POT1: variants seen among roughly 807,000 people sequenced by gnomAD.
The protein encoded by POT1 is protection of telomeres 1.
POT1 carries 47 observed loss-of-function variants against 78.5 expected under a neutral mutation model. The ratio of observed to expected loss-of-function variants is 0.60; its 90% CI spans 0.47 to 0.76. POT1 has a LOEUF of 0.76. Among genes scored for constraint, POT1 ranks in the 30% least tolerant of loss-of-function variants. The pLI is 0.00. For synonymous variants in POT1, 259 were observed against 260.7 expected (o/e 0.99, Z 0.06); for missense variants, 646 against 749.9 (o/e 0.86, Z 1.62).
chr7:124,841,766 T>C (rs917363968), intron 13 of POT1, among the ~76,000 whole-genome samples: 7 of 152,016 alleles, frequency 4.6e-5, no homozygotes, highest in African/African-American at 1.4e-4. Flanking sequence ...ATTTCTGAGA[T>C]AATATCCTTA....
In POT1 at chr7:124,826,168, G is replaced by T. The variant is rs138623206; in HGVS notation, c.1687-811C>A. Reference sequence around the variant, plus strand: ...GGCAGTCAACCATACCTACGTGATAGAGTCCCACTAAAATCTTTTAGCAGA... The same window carrying T: ...GGCAGTCAACCATACCTACGTGATATAGTCCCACTAAAATCTTTTAGCAGA... On this transcript the variant is annotated intron_variant, in intron 17 of 18. Transcript: ENST00000357628. 6.4e-3 allele frequency among the ~76,000 whole-genome samples: 971 copies of T among 152,240 alleles called. 13 individuals are homozygous for T. Among genetic ancestry groups the T allele is most frequent in the African/African-American group, 0.022 (901 of 41,534 alleles).
At chr7:124,912,202 A>G (rs948041905) in intron 3 of POT1, among the ~76,000 whole-genome samples, 1 of 151,992 alleles carries the variant, frequency 6.6e-6, no homozygotes, top group Non-Finnish European at 1.5e-5. Context: ...AGTTCTTTCA[A>G]CAATCCAGAA....
At chr7:124,860,989 C>CT (rs142483341) in intron 8 of POT1, among the ~76,000 whole-genome samples, 30,583 of 152,122 alleles carry the variant, frequency 0.2, 3,814 homozygotes, top group East Asian at 0.3. Flanking sequence ...GCCACATTTT[C>CT]TTAATCCAGT....
intron 3 of POT1, among the ~76,000 whole-genome samples, chr7:124,907,721 C>T (rs1019011397): frequency 5.3e-5 from 8 of 152,024 alleles, no homozygotes; most frequent in African/African-American, 1.9e-4. Flanking sequence ...GGTGAGGGAA[C>T]ACTGATAGCA....
In POT1 at chr7:124,846,976, G is replaced by T; in HGVS notation, c.972C>A (p.Tyr324Ter). 1.9e-6 allele frequency: 3 copies of T among 1,605,192 alleles called. No homozygotes were observed. Among genetic ancestry groups the T allele is most frequent in the Non-Finnish European group, 1.7e-6 (2 of 1,172,378 alleles). ...SFPSSGSVSL[Y>*]EVERCQQLSA... is the part of the protein sequence containing the mutation. ...ATAGCTGTTGACATCTTTCTACCTC[G>T]TATAATGATACTGATCCAGAGCCTA... The change falls in exon 12 of 19, where the codon TAC (tyrosine) becomes TAA (stop). Residue 324 changes from tyrosine to a stop codon, truncating the protein, a stop_gained. Transcript: ENST00000357628. LOFTEE classifies it high-confidence loss of function.
intron 6 of POT1, among the ~76,000 whole-genome samples, chr7:124,879,164 G>T (rs879929840): frequency 6.6e-6 from 1 of 152,030 alleles, no homozygotes; most frequent in Non-Finnish European, 1.5e-5. Context: ...TTAATCCCAG[G>T]ATAAAAACAA....
intron 6 of POT1, among the ~76,000 whole-genome samples, chr7:124,890,346 G>C (rs1796340644): frequency 6.6e-6 from 1 of 151,892 alleles, no homozygotes; most frequent in Non-Finnish European, 1.5e-5. Context: ...AGTTTCTTAA[G>C]AAGTAATCTA....
At chr7:124,873,927 GTGAAGA>G (rs1795929407) in intron 6 of POT1, among the ~76,000 whole-genome samples, 1 of 152,194 alleles carries the variant, frequency 6.6e-6, no homozygotes, top group African/African-American at 2.4e-5. Context: ...GGTGGCTACA[GTGAAGA>G]TGGGAGCCAC....
intron 6 of POT1, among the ~76,000 whole-genome samples, chr7:124,891,973 TTG>T (rs1453446902): frequency 2.6e-5 from 4 of 151,694 alleles, no homozygotes; most frequent in African/African-American, 9.7e-5. Context: ...TATTCTGCAT[TTG>T]TTTATATATT....
At chr7:124,904,818 T>C (rs562515236) in intron 3 of POT1, among the ~76,000 whole-genome samples, 3 of 152,208 alleles carry the variant, frequency 2.0e-5, no homozygotes, top group African/African-American at 4.8e-5. Flanking sequence ...ACAAAATCAA[T>C]GTGCAAAAAT....
intron 6 of POT1, among the ~76,000 whole-genome samples, chr7:124,874,833 G>C (rs1461873152): frequency 6.6e-6 from 1 of 151,210 alleles, no homozygotes; most frequent in Non-Finnish European, 1.5e-5. Context: ...GTAAAGGGGA[G>C]AAAGAAGGGA....
At chr7:124,922,569 G>A (rs1323942116) in intron 2 of POT1, among the ~76,000 whole-genome samples, 1 of 151,846 alleles carries the variant, frequency 6.6e-6, no homozygotes, top group Non-Finnish European at 1.5e-5. Context: ...ATGGGGAGTG[G>A]TACAATAGTA....
intron 3 of POT1, among the ~76,000 whole-genome samples, chr7:124,905,418 G>T (rs531107282): frequency 4.9e-4 from 74 of 152,236 alleles, no homozygotes; most frequent in Middle Eastern, 3.4e-3. Context: ...TGGGAAAACT[G>T]GCTAGCCATG....
chr7:124,929,802 T>C lies in POT1; in HGVS notation c.-420A>G, dbSNP rs1377580325. 1.3e-5 allele frequency: 2 copies of C among 152,216 alleles called. No homozygotes were observed. The highest frequency in any genetic ancestry group is 2.9e-5 in the Non-Finnish European group (2 of 68,092). 9.4% of individuals were successfully genotyped at this position (152,216 alleles called of 1,614,324 possible). A position where few individuals can be genotyped will look rare whatever the true frequency, so the allele number is the denominator to read the frequency against. On this transcript the variant is annotated 5_prime_UTR_variant, in exon 1 of 19. Transcript: ENST00000357628. ...TTACAAATTTCACTCACCCGTACTC[T>C]AGAAAGAACCCTAGGAAGAGTTTAG... is the stretch of plus-strand genomic sequence containing the variant.
At chr7:124,868,410 G>A (rs1795783284) in intron 7 of POT1, among the ~76,000 whole-genome samples, 1 of 152,024 alleles carries the variant, frequency 6.6e-6, no homozygotes. Flanking sequence ...CATTAACATT[G>A]CCTTAAATTA....
chr7:124,879,775 T>A (rs1040390154), intron 6 of POT1, among the ~76,000 whole-genome samples: 3 of 152,042 alleles, frequency 2.0e-5, no homozygotes, highest in African/African-American at 7.2e-5. Flanking sequence ...GAGAAAAAAA[T>A]CACTATCACT....
At chr7:124,905,156 A>G (rs1026117166) in intron 3 of POT1, among the ~76,000 whole-genome samples, 3 of 152,200 alleles carry the variant, frequency 2.0e-5, no homozygotes, top group Non-Finnish European at 2.9e-5. Flanking sequence ...GAACCAAAAA[A>G]GAGCCCTCAT....
At chr7:124,861,494 A>T (rs1795596261) in intron 8 of POT1, among the ~76,000 whole-genome samples, 1 of 152,004 alleles carries the variant, frequency 6.6e-6, no homozygotes, top group African/African-American at 2.4e-5. Flanking sequence ...TAGATTCTGG[A>T]TATTAGCCCT....
rs368683991 is a variant in POT1 at position 124,922,224 on chromosome 7, C to T, written c.-226-6578G>A. On this transcript the variant is annotated intron_variant, in intron 2 of 18. Coordinates refer to ENST00000357628, the MANE Select transcript of POT1 (RefSeq NM_015450.3). ...GAAAGCTAAGAGAAGTTATCCCCAG[C>T]TGAAATATATGAAATGGTAGATATT... Among the ~76,000 whole-genome samples, 41 of 152,048 alleles carry T rather than the reference C, an allele frequency of 2.7e-4. 1 individual carries two copies. The highest frequency in any genetic ancestry group is 9.2e-4 in the African/African-American group (38 of 41,514).
Sources: gnomAD v4.1 joint callset for allele counts (sites outside exome capture counted in the v4.1 genomes callset) on GRCh38, gnomAD v4.1.1 for gene constraint, MANE v1.5 for transcripts, NCBI Gene and HGNC (gene_info 2026-07-23, HGNC 2026-07-21) for gene names.